Variants in PKP4 observed in about 807,000 individuals in gnomAD.
The protein encoded by PKP4 is plakophilin 4.
Under a neutral mutation model 145.1 loss-of-function variants are expected in PKP4, and 90 were observed. The observed-to-expected ratio is 0.62, with a 90% CI of 0.52 to 0.74. The LOEUF (loss-of-function observed/expected upper bound fraction) is 0.74. Among genes scored for constraint, PKP4 ranks in the 30% least tolerant of loss-of-function variants. The pLI is 0.00. For missense variants in PKP4, 1,340 were observed against 1,482.7 expected (o/e 0.90, Z 1.58); for synonymous variants, 563 against 577.2 (o/e 0.98, Z 0.35).
At chr2:158,496,505 A>G (rs1297704910) in intron 1 of PKP4, among the ~76,000 whole-genome samples, 1 of 152,060 alleles carries the variant, frequency 6.6e-6, no homozygotes, top group African/African-American at 2.4e-5. Context: ...CTTTTTCCTC[A>G]TGGTCCACAT....
chr2:158,546,570 T>TAGC (rs1168982004), intron 2 of PKP4, among the ~76,000 whole-genome samples: 1 of 152,204 alleles, frequency 6.6e-6, no homozygotes, highest in African/African-American at 2.4e-5. Flanking sequence ...CCAAAAAATG[T>TAGC]AGCAGTAGGC....
rs773118770 is a variant in PKP4 at position 158,624,827 on chromosome 2, A to G, written c.604-51A>G. The stretch of plus-strand genomic sequence containing the variant: ...GTGTATTTCTTTTGTAATGGCAATG[A>G]ACACAAAACCCTGGATAAACCCATT... On this transcript the variant is annotated intron_variant, in intron 6 of 21. Coordinates refer to ENST00000389759, the MANE Select transcript of PKP4 (RefSeq NM_003628.6). The G allele has an allele frequency of 2.0e-5, 28 of 1,431,646 alleles. No individual in the cohort carries two copies. The South Asian group carries it at 3.7e-4, about 19-fold the overall frequency. The allele number at this position is 1,431,646 out of a possible 1,614,324, so 88.7% of individuals were successfully genotyped here. A position where few individuals can be genotyped will look rare whatever the true frequency, so the allele number is the denominator to read the frequency against.
chr2:158,632,941 A>G (rs1241601654), intron 8 of PKP4, among the ~76,000 whole-genome samples: 1 of 152,254 alleles, frequency 6.6e-6, no homozygotes, highest in Non-Finnish European at 1.5e-5. Context: ...GAAGATATGT[A>G]CACAGTTACT....
At chr2:158,529,727 T>C (rs2043344204) in intron 1 of PKP4, among the ~76,000 whole-genome samples, 1 of 152,242 alleles carries the variant, frequency 6.6e-6, no homozygotes. Flanking sequence ...CCTACATTTC[T>C]TTCCCAATAT....
At chr2:158,597,722 T>C (rs1317225395) in intron 3 of PKP4, among the ~76,000 whole-genome samples, 1 of 152,222 alleles carries the variant, frequency 6.6e-6, no homozygotes, top group African/African-American at 2.4e-5. Flanking sequence ...TAATTTGTTA[T>C]TGGCTATGGT....
At chr2:158,604,332 A>C (rs1410691618) in intron 4 of PKP4, among the ~76,000 whole-genome samples, 1 of 152,166 alleles carries the variant, frequency 6.6e-6, no homozygotes, top group Non-Finnish European at 1.5e-5. Flanking sequence ...TAGAAGGCTG[A>C]ATTGGCTGAA....
intron 1 of PKP4, among the ~76,000 whole-genome samples, chr2:158,484,094 TGCAGTG>T (rs956880227): frequency 2.0e-5 from 3 of 149,468 alleles, no homozygotes; most frequent in African/African-American, 7.4e-5. Context: ...GACTGCGGAC[TGCAGTG>T]GCAGTGGCGC....
chr2:158,549,981 G>C lies in PKP4; in HGVS notation c.132+16665G>C, dbSNP rs189204969. Among the ~76,000 whole-genome samples, 444 of 150,886 alleles carry C rather than the reference G, an allele frequency of 2.9e-3. 1 individual carries two copies. Among genetic ancestry groups the C allele is most frequent in the Non-Finnish European group, 5.0e-3 (338 of 67,346 alleles). On this transcript the variant is annotated intron_variant, in intron 2 of 21. Coordinates refer to ENST00000389759, the MANE Select transcript of PKP4 (RefSeq NM_003628.6). ...AATGTAAGTAATATTTTATCTCATAGCAGTGTCGCTAATGGGAGTAGTATT... is the reference window on the plus strand; with the variant it reads ...AATGTAAGTAATATTTTATCTCATACCAGTGTCGCTAATGGGAGTAGTATT...
At chr2:158,625,563 G>A in intron 7 of PKP4, 136 bp downstream of exon 7, 1 of 679,588 alleles carries the variant, frequency 1.5e-6, no homozygotes, top group African/African-American at 1.8e-5. Flanking sequence ...TAAACTTAAG[G>A]TTAACTTGTC....
chr2:158,664,463 A>T lies in PKP4; in HGVS notation c.2577+1018A>T, dbSNP rs545940255. On this transcript the variant is annotated intron_variant, in intron 15 of 21. Coordinates refer to ENST00000389759, the MANE Select transcript of PKP4 (RefSeq NM_003628.6). Reference sequence around the variant, plus strand: ...GTCTGAGACATTTTCAACCTCTAGTAATTTCTTGACAGGTGTATTTTAGTA... The same window carrying T: ...GTCTGAGACATTTTCAACCTCTAGTTATTTCTTGACAGGTGTATTTTAGTA... Among the ~76,000 whole-genome samples, 21 of 152,254 alleles carry T rather than the reference A, an allele frequency of 1.4e-4. No individual in the cohort carries two copies. The South Asian group carries it at 4.1e-3, about 30-fold the overall frequency.
chr2:158,514,940 C>T (rs1236536887), intron 1 of PKP4, among the ~76,000 whole-genome samples: 1 of 143,770 alleles, frequency 7.0e-6, no homozygotes. Context: ...GACGCTGTCT[C>T]AAAAAAAAAA....
intron 1 of PKP4, among the ~76,000 whole-genome samples, chr2:158,487,855 A>G (rs1472778349): frequency 6.6e-6 from 1 of 151,972 alleles, no homozygotes; most frequent in East Asian, 1.9e-4. Context: ...TTGACAAGGG[A>G]ATGTGTTTTT....
At chr2:158,601,363 A>G (rs550713091) in intron 3 of PKP4, among the ~76,000 whole-genome samples, 2 of 152,344 alleles carry the variant, frequency 1.3e-5, no homozygotes, top group African/African-American at 4.8e-5. Context: ...TAATATTGAC[A>G]TAAAATATGA....
chr2:158,577,322 G>A lies in PKP4; in HGVS notation c.184G>A (p.Val62Ile). ...TRELEVERQI[V>I]ASQLERCRLG... ...AGAACTGGAAGTGGAAAGGCAGATT[G>A]TTGCCAGTCAGCTAGAAAGATGTAG... Residue 62 changes from valine to isoleucine, a missense_variant, in exon 3 of 22, where the codon GTT (valine) becomes ATT (isoleucine). By Grantham distance (29) the Val-to-Ile change is conservative. Coordinates refer to ENST00000389759, the MANE Select transcript of PKP4 (RefSeq NM_003628.6). The A allele has an allele frequency of 6.2e-7, 1 of 1,613,672 alleles. No individual in the cohort carries two copies. The highest frequency in any genetic ancestry group is 1.1e-5 in the South Asian group (1 of 90,998).
rs557636930 is a variant in PKP4, at chr2:158,666,767, G to C, written c.2728+204G>C. ...AAGCTCATTAATTAGTCATTGATTA[G>C]GGAAGGTAAATTTTCAGAAAGGCCA... is the stretch of plus-strand genomic sequence containing the variant. On this transcript the variant is annotated intron_variant, in intron 16 of 21. Coordinates refer to ENST00000389759, the MANE Select transcript of PKP4 (RefSeq NM_003628.6). 2.8e-5 allele frequency: 12 copies of C among 423,728 alleles called. No individual in the cohort carries two copies. The South Asian group carries it at 4.4e-4, about 15-fold the overall frequency. 26.2% of individuals were successfully genotyped at this position (423,728 alleles called of 1,614,324 possible). A position where few individuals can be genotyped will look rare whatever the true frequency, so the allele number is the denominator to read the frequency against.
chr2:158,644,227 C>G (rs113223629), intron 11 of PKP4, among the ~76,000 whole-genome samples: 6 of 152,060 alleles, frequency 3.9e-5, no homozygotes, highest in Non-Finnish European at 8.8e-5. Flanking sequence ...ATGAACAGAC[C>G]AACAGTCTAC....
intron 20 of PKP4, 52 bp from the exon 21 acceptor site, chr2:158,678,529 T>G: frequency 4.6e-6 from 6 of 1,305,174 alleles, no homozygotes; most frequent in Non-Finnish European, 6.7e-6. Flanking sequence ...CCCAGCCTAA[T>G]GGACCAGAGT....
intron 1 of PKP4, among the ~76,000 whole-genome samples, chr2:158,480,772 GT>G (rs1241643499): frequency 6.6e-6 from 1 of 152,104 alleles, no homozygotes; most frequent in Non-Finnish European, 1.5e-5. Flanking sequence ...GTGATTTTTA[GT>G]ACATTCACAA....
Position 158,593,624 on chromosome 2 carries a change from G to T in PKP4, c.246-9446G>T, listed in dbSNP as rs189607827. On this transcript the variant is annotated intron_variant, in intron 3 of 21. Transcript: ENST00000389759. ...TTGTTCACCTCTAGTCCCTATGAAG[G>T]TTACTTGAACTGTATTTCCTGTTCC... Among the ~76,000 whole-genome samples the T allele has an allele frequency of 5.3e-3, 812 of 152,220 alleles. 4 individuals carry two copies. Among genetic ancestry groups the T allele is most frequent in the Middle Eastern group, 0.014 (4 of 294 alleles).
Sources: allele counts gnomAD v4.1 joint callset (sites outside exome capture counted in the v4.1 genomes callset), GRCh38; gene constraint gnomAD v4.1.1; transcripts MANE v1.5; gene names NCBI Gene and HGNC (gene_info 2026-07-23, HGNC 2026-07-21).